Variants in PAN3 observed in about 807,000 individuals in gnomAD.
The protein encoded by PAN3 is poly(A) specific ribonuclease subunit PAN3.
In PAN3, 19 loss-of-function variants were observed where a neutral mutation model predicts 96.2. The observed-to-expected ratio is 0.20, with a 90% CI of 0.14 to 0.29. PAN3 has a LOEUF of 0.29. PAN3 is among the 10% of genes least tolerant of loss of function. PAN3 has a pLI of 1.00. For synonymous variants in PAN3, 433 were observed against 406.6 expected, an observed-to-expected ratio of 1.06 and a Z score of -0.78; for missense variants, 882 against 1,108.1, an observed-to-expected ratio of 0.80 and a Z score of 2.90.
chr13:28,197,458 G>C (rs1878195531), intron 5 of PAN3, 112 bp downstream of exon 5: 1 of 1,037,832 alleles, frequency 9.6e-7, no homozygotes, highest in Admixed American at 3.2e-5. Flanking sequence ...GGTATACTTA[G>C]GTAATTAAAA....
chr13:28,282,637 T>C (rs370296887), intron 17 of PAN3, among the ~76,000 whole-genome samples: 10 of 152,342 alleles, frequency 6.6e-5, no homozygotes, highest in African/African-American at 2.4e-4. Flanking sequence ...AATCTGTATT[T>C]AGTGTTACAA....
chr13:28,173,942 ATTG>A (rs903957219), intron 1 of PAN3, among the ~76,000 whole-genome samples: 18 of 152,318 alleles, frequency 1.2e-4, no homozygotes, highest in African/African-American at 3.6e-4. Context: ...CACAGGAGAA[ATTG>A]TTGTCCTTTT....
chr13:28,201,419 G>A (rs372237939), intron 5 of PAN3, among the ~76,000 whole-genome samples: 1 of 152,012 alleles, frequency 6.6e-6, no homozygotes. Context: ...GGTGGCGGGT[G>A]CCTGTAGTCC....
chr13:28,255,376 T>G (rs1366035067), intron 6 of PAN3, among the ~76,000 whole-genome samples: 1 of 152,236 alleles, frequency 6.6e-6, no homozygotes, highest in Non-Finnish European at 1.5e-5. Flanking sequence ...GCATGTAGTT[T>G]GTAGTGTATT....
intron 5 of PAN3, among the ~76,000 whole-genome samples, chr13:28,210,636 A>G (rs1471068797): frequency 6.6e-6 from 1 of 152,150 alleles, no homozygotes; most frequent in Non-Finnish European, 1.5e-5. Context: ...GCAGGTTTTA[A>G]ATAGGTCAGT....
intron 4 of PAN3, among the ~76,000 whole-genome samples, chr13:28,191,190 TAA>T (rs1877216058): frequency 6.6e-6 from 1 of 152,200 alleles, no homozygotes; most frequent in Non-Finnish European, 1.5e-5. Flanking sequence ...ATATTTCCCT[TAA>T]AATTGTGTTT....
chr13:28,242,872 G>A (rs1045199412), intron 6 of PAN3, among the ~76,000 whole-genome samples: 1 of 151,954 alleles, frequency 6.6e-6, no homozygotes, highest in Non-Finnish European at 1.5e-5. Context: ...TCATGTTTAG[G>A]TCTTATACAT....
intron 5 of PAN3, among the ~76,000 whole-genome samples, chr13:28,212,439 C>A (rs1446185040): frequency 6.6e-6 from 1 of 152,102 alleles, no homozygotes; most frequent in African/African-American, 2.4e-5. Context: ...ATAAAAGTCA[C>A]ATTATTTACC....
intron 1 of PAN3, among the ~76,000 whole-genome samples, chr13:28,158,746 T>C (rs1036956445): frequency 6.6e-6 from 1 of 151,878 alleles, no homozygotes; most frequent in Admixed American, 6.6e-5. Flanking sequence ...GGTGTGGTGG[T>C]GGGCGCCTGT....
chr13:28,244,315 TGA>T (rs1281099157), intron 6 of PAN3, among the ~76,000 whole-genome samples: 1 of 152,184 alleles, frequency 6.6e-6, no homozygotes, highest in Admixed American at 6.5e-5. Context: ...AAAAGTAGTC[TGA>T]GAGTTATTTT....
At chr13:28,219,051 G>A (rs907516388) in intron 5 of PAN3, among the ~76,000 whole-genome samples, 5 of 152,128 alleles carry the variant, frequency 3.3e-5, no homozygotes, top group Admixed American at 3.3e-4. Context: ...AAATGCAGTG[G>A]CTGGTTTTCT....
chr13:28,191,582 C>A (rs1013185348), intron 4 of PAN3, among the ~76,000 whole-genome samples: 1 of 152,098 alleles, frequency 6.6e-6, no homozygotes, highest in African/African-American at 2.4e-5. Flanking sequence ...AGTTGAGAAA[C>A]CCTAACCTAG....
At position 28,288,021 on chromosome 13, in the gene PAN3, C is replaced by T. The variant is rs1196079905; in HGVS notation, c.2422C>T (p.Arg808Cys). The change falls in exon 18 of 19, where the codon CGT becomes TGT. Residue 808 changes from arginine (R) to cysteine (C), a missense_variant. Around this residue, in one of 3 missense-constraint regions of PAN3, gnomAD observed 76 missense variants for 171.7 expected, o/e 0.44. Transcript: ENST00000380958. ...KDPTWSETGD[R>C]YLLKLFRDHL... ...TCCCACTTGGTCAGAGACTGGAGAC[C>T]GTTATCTGTTGAAACTCTTTAGGGA... The T allele has an allele frequency of 2.5e-6, 4 of 1,612,946 alleles. No individual in the cohort carries two copies. The highest frequency in any genetic ancestry group is 2.2e-5 in the East Asian group (1 of 44,826).
At chr13:28,159,615 A>G (rs1872658779) in intron 1 of PAN3, among the ~76,000 whole-genome samples, 2 of 151,846 alleles carry the variant, frequency 1.3e-5, no homozygotes, top group South Asian at 4.2e-4. Flanking sequence ...TGCCCGGCTA[A>G]TTTTGTATTT....
At chr13:28,159,918 TA>T (rs1872691920) in intron 1 of PAN3, among the ~76,000 whole-genome samples, 1 of 151,828 alleles carries the variant, frequency 6.6e-6, no homozygotes, top group African/African-American at 2.4e-5. Context: ...GAAACTGAAA[TA>T]AAAGGTTTTT....
At chr13:28,144,876 C>T (rs1294732495) in intron 1 of PAN3, among the ~76,000 whole-genome samples, 8 of 151,732 alleles carry the variant, frequency 5.3e-5, no homozygotes, top group Non-Finnish European at 8.8e-5. Flanking sequence ...CCTGCCACCG[C>T]GACTGGCTAA....
intron 4 of PAN3, among the ~76,000 whole-genome samples, chr13:28,182,762 A>G (rs1875961609): frequency 6.6e-6 from 1 of 152,124 alleles, no homozygotes; most frequent in Non-Finnish European, 1.5e-5. Context: ...CACCAGCAGT[A>G]CTTTTCTCCG....
At chr13:28,237,371 A>G (rs932442766) in intron 6 of PAN3, among the ~76,000 whole-genome samples, 58 of 152,300 alleles carry the variant, frequency 3.8e-4, no homozygotes, top group African/African-American at 1.3e-3. Flanking sequence ...ACCTAACTAT[A>G]TCACTGGAAC....
intron 1 of PAN3, among the ~76,000 whole-genome samples, chr13:28,154,807 G>GTT (rs111375555): frequency 2.2e-5 from 3 of 137,662 alleles, no homozygotes; most frequent in Non-Finnish European, 3.1e-5. Context: ...GACTTTGCAG[G>GTT]TTTTTTTTTT....
Sources: gnomAD v4.1 joint callset for allele counts (sites outside exome capture counted in the v4.1 genomes callset) on GRCh38, gnomAD v4.1.1 for gene constraint, gnomAD v4.1.1 regional missense constraint, MANE v1.5 for transcripts, NCBI Gene and HGNC (gene_info 2026-07-23, HGNC 2026-07-21) for gene names.